Variants in CCDC13 observed in about 807,000 individuals in gnomAD.
The protein encoded by CCDC13 is coiled-coil domain-containing protein 13.
In CCDC13, 70 loss-of-function variants were observed where a neutral mutation model predicts 87.3. The ratio of observed to expected loss-of-function variants is 0.80; its 90% CI spans 0.66 to 0.98. The LOEUF (loss-of-function observed/expected upper bound fraction) is 0.98. Among genes scored for constraint, CCDC13 ranks in the 50% least tolerant of loss-of-function variants. CCDC13 has a pLI of 0.00. For synonymous variants in CCDC13, 317 were observed against 360.3 expected, an observed-to-expected ratio of 0.88 and a Z score of 1.36; for missense variants, 842 against 892.0, an observed-to-expected ratio of 0.94 and a Z score of 0.71.
chr3:42,758,262 C>T lies in CCDC13; in HGVS notation c.84G>A (p.Lys28=), dbSNP rs1238607000. The T allele has an allele frequency of 5.0e-6, 8 of 1,613,652 alleles. No homozygotes were observed. The highest frequency in any genetic ancestry group is 6.8e-6 in the Non-Finnish European group (8 of 1,180,040). ...MQEMQHKRLQ[K]QMEKKREKEL... The stretch of plus-strand genomic sequence containing the variant: ...CTTTTTCCCTCTTTTTCTCCATCTG[C>T]TTCTGTAACCGTTTGTGCTGCATCT... The change falls in exon 2 of 16, where the codon AAG becomes AAA. Residue 28 remains lysine, a synonymous_variant. Transcript: ENST00000310232.
intron 13 of CCDC13, among the ~76,000 whole-genome samples, chr3:42,724,040 C>T (rs2125876579): frequency 6.6e-6 from 1 of 152,222 alleles, no homozygotes; most frequent in East Asian, 1.9e-4. Flanking sequence ...GAATATGTGG[C>T]AGCTATTGAC....
intron 14 of CCDC13, among the ~76,000 whole-genome samples, chr3:42,711,179 G>A (rs1344623749): frequency 6.7e-6 from 1 of 148,290 alleles, no homozygotes; most frequent in Non-Finnish European, 1.5e-5. Flanking sequence ...CAGGGAGGTG[G>A]AGGTTGCAGT....
At chr3:42,705,067 T>C (rs760139284), downstream of CCDC13, 3 of 140,450 alleles carry the variant, frequency 2.1e-5, no homozygotes, top group Non-Finnish European at 4.7e-5. Context: ...GCTGTGTATG[T>C]GTATCCTGTG....
Position 42,708,649 on chromosome 3 carries a change from C to T in CCDC13, c.*331G>A, listed in dbSNP as rs1244605693. ...CCAGGGCTAGTACCTAGGATGAGGGCGATGAACACCTGCCCGAGGGACTGC... is the reference window on the plus strand; with the variant it reads ...CCAGGGCTAGTACCTAGGATGAGGGTGATGAACACCTGCCCGAGGGACTGC... On this transcript the variant is annotated 3_prime_UTR_variant, in exon 16 of 16. Transcript: ENST00000310232. The T allele has an allele frequency of 4.0e-5, 9 of 225,654 alleles. No homozygotes were observed. Among genetic ancestry groups the T allele is most frequent in the Admixed American group, 1.8e-4 (3 of 16,946 alleles). The allele number at this position is 225,654 out of a possible 1,614,324, so 14.0% of individuals were successfully genotyped here.
chr3:42,708,899 C>A lies in CCDC13; in HGVS notation c.*81G>T. 7 of 1,433,246 alleles carry A rather than the reference C, an allele frequency of 4.9e-6. No homozygotes were observed. The highest frequency in any genetic ancestry group is 1.9e-4 in the Middle Eastern group (1 of 5,334). The allele number at this position is 1,433,246 out of a possible 1,614,324, so 88.8% of individuals were successfully genotyped here. On this transcript the variant is annotated 3_prime_UTR_variant, in exon 16 of 16. Transcript: ENST00000310232. ...GCTGCCCTGGGCTGGCTTCCCGGAG[C>A]AGATGGAGTCCTCAGACAGAGTCTT...
At chr3:42,718,135 A>T (rs1260991138) in intron 13 of CCDC13, 1 of 152,232 alleles carries the variant, frequency 6.6e-6, no homozygotes, top group Non-Finnish European at 1.5e-5. Flanking sequence ...TGGTTAAGGC[A>T]TTCTAAGTCA....
intron 13 of CCDC13, among the ~76,000 whole-genome samples, chr3:42,726,891 G>A (rs982298434): frequency 1.3e-5 from 2 of 151,846 alleles, no homozygotes; most frequent in African/African-American, 2.4e-5. Flanking sequence ...AAGAAGCATC[G>A]GAGAGAAAGG....
rs1175678743 is a variant in CCDC13 at position 42,733,493 on chromosome 3, A to G, written c.1488T>C (p.His496=). 7 of 1,613,804 alleles carry G rather than the reference A, an allele frequency of 4.3e-6. No homozygotes were observed. Among genetic ancestry groups the G allele is most frequent in the East Asian group, 2.2e-5 (1 of 44,864 alleles). The stretch of plus-strand genomic sequence containing the variant: ...ACCGAGAAGATCCAAGCCTGCCAAC[A>G]TGATCGCCTGCTGAGGCCGGGGACT... ...LTKSPASAGD[H]VGRLGSSRSV... Residue 496 remains histidine, a synonymous_variant, in exon 11 of 16, where the codon CAT becomes CAC. Transcript: ENST00000310232.
At position 42,733,373 on chromosome 3, in the gene CCDC13, T is replaced by C; in HGVS notation, c.1511+97A>G. The C allele has an allele frequency of 2.1e-6, 3 of 1,444,304 alleles. No homozygotes were observed. The South Asian group carries it at 3.4e-5, about 17-fold the overall frequency. 89.5% of individuals were successfully genotyped at this position (1,444,304 alleles called of 1,614,324 possible). A position where few individuals can be genotyped will look rare whatever the true frequency, so the allele number is the denominator to read the frequency against. On this transcript the variant is annotated intron_variant, in intron 11 of 15. Coordinates refer to ENST00000310232, the MANE Select transcript of CCDC13 (RefSeq NM_144719.4). ...AACAACAGCATAGTCATCTTAAAAT[T>C]GCACCTGTGGCTTCCCATCAGAGGT...
chr3:42,730,614 G>C, intron 12 of CCDC13, 25 bp from the exon 13 acceptor site: 1 of 1,610,956 alleles, frequency 6.2e-7, no homozygotes, highest in Non-Finnish European at 8.5e-7. Flanking sequence ...GAGGGCAGAG[G>C]GCAGAGGTCA....
At chr3:42,722,392 G>A (rs1299244466) in intron 13 of CCDC13, among the ~76,000 whole-genome samples, 4 of 152,190 alleles carry the variant, frequency 2.6e-5, no homozygotes, top group Non-Finnish European at 5.9e-5. Context: ...TCTTAAAGAG[G>A]AGCTGGGTAA....
chr3:42,746,000 T>G lies in CCDC13; in HGVS notation c.748A>C (p.Ile250Leu), dbSNP rs543626097. Residue 250 changes from isoleucine (I) to leucine (L), a missense_variant, in exon 7 of 16, where the codon ATC becomes CTC. Physicochemically the swap from Ile to Leu is conservative, Grantham distance 5. Coordinates refer to ENST00000310232, the MANE Select transcript of CCDC13 (RefSeq NM_144719.4). Reference protein sequence around the residue: ...KVLAREVGEDINVQQLLSSPG... With the variant: ...KVLAREVGEDLNVQQLLSSPG... ...GAAGATAGGAGCTGCTGAACGTTGA[T>G]GTCTTCCCCAACCTCTCTGGCCAAA... is the stretch of plus-strand genomic sequence containing the variant. The G allele has an allele frequency of 2.4e-5, 39 of 1,614,062 alleles. No individual in the cohort carries two copies. Among genetic ancestry groups the G allele is most frequent in the Non-Finnish European group, 3.1e-5 (36 of 1,180,038 alleles).
chr3:42,769,320 A>G (rs1337127378), intron 1 of CCDC13, among the ~76,000 whole-genome samples: 1 of 152,210 alleles, frequency 6.6e-6, no homozygotes, highest in Non-Finnish European at 1.5e-5. Flanking sequence ...AATCCAAAAC[A>G]TTGACAACAT....
rs1274337480 is a variant in CCDC13, at chr3:42,735,690, G to A, written c.1371+17C>T. Reference sequence around the variant, plus strand: ...CGGCTTGAAAATGGGTTTGGGCGCTGCCAGTGCCCTACTCACGTGCACATT... The same window carrying A: ...CGGCTTGAAAATGGGTTTGGGCGCTACCAGTGCCCTACTCACGTGCACATT... On this transcript the variant is annotated intron_variant, in intron 10 of 15. Coordinates refer to ENST00000310232, the MANE Select transcript of CCDC13 (RefSeq NM_144719.4). 1.2e-6 allele frequency: 2 copies of A among 1,611,768 alleles called. No individual in the cohort carries two copies. Among genetic ancestry groups the A allele is most frequent in the Admixed American group, 3.3e-5 (2 of 59,990 alleles).
At chr3:42,711,198 A>G (rs1359505527) in intron 14 of CCDC13, among the ~76,000 whole-genome samples, 1 of 145,030 alleles carries the variant, frequency 6.9e-6, no homozygotes, top group Admixed American at 7.2e-5. Context: ...GTGAGCTGAG[A>G]TCGCACCGCT....
chr3:42,733,780 C>T (rs981793384), intron 10 of CCDC13, 171 bp from the exon 11 acceptor site: 3 of 301,336 alleles, frequency 1.0e-5, no homozygotes, highest in Non-Finnish European at 1.5e-5. Context: ...ATGATAATGA[C>T]ATCTAATAAT....
intron 1 of CCDC13, chr3:42,771,119 T>G (rs1700083302): frequency 6.6e-6 from 1 of 152,188 alleles, no homozygotes; most frequent in African/African-American, 2.4e-5. Flanking sequence ...TGAATATTAT[T>G]CAGTGATGAA....
Position 42,757,188 on chromosome 3 carries a change from AG to A in CCDC13, c.247del (p.Leu83PhefsTer19), listed in dbSNP as rs1451137341. The A allele has an allele frequency of 1.2e-6, 2 of 1,614,106 alleles. No individual in the cohort carries two copies. Among genetic ancestry groups the A allele is most frequent in the Non-Finnish European group, 8.5e-7 (1 of 1,180,000 alleles). ...KRVLEDEIEH[L>X]RNELRETVDE... ...CACCGTTTCCCTGAGCTCATTTCGA[AG>A]GTGTTCAATCTCATCTTCAAGCACC... On this transcript the variant is annotated frameshift_variant, in exon 3 of 16. Transcript: ENST00000310232. LOFTEE classifies it high-confidence loss of function.
intron 13 of CCDC13, among the ~76,000 whole-genome samples, chr3:42,718,592 T>G (rs1281313009): frequency 6.6e-6 from 1 of 152,142 alleles, no homozygotes; most frequent in Non-Finnish European, 1.5e-5. Flanking sequence ...TCCTGTAACA[T>G]CTTTCTGGTG....
Sources: allele counts gnomAD v4.1 joint callset (sites outside exome capture counted in the v4.1 genomes callset), GRCh38; gene constraint gnomAD v4.1.1; transcripts MANE v1.5; gene names NCBI Gene and HGNC (gene_info 2026-07-23, HGNC 2026-07-21).